RNF144A: variants seen among roughly 807,000 people sequenced by gnomAD.
RNF144A encodes the protein ring finger protein 144A.
RNF144A carries 11 observed loss-of-function variants against 38.7 expected under a neutral mutation model. The ratio of observed to expected loss-of-function variants is 0.28; its 90% CI spans 0.18 to 0.47. The LOEUF (loss-of-function observed/expected upper bound fraction) is 0.47. RNF144A is among the 20% of genes least tolerant of loss of function. RNF144A has a pLI of 0.99. For synonymous variants in RNF144A, 149 were observed against 143.9 expected, an observed-to-expected ratio of 1.04 and a Z score of -0.25; for missense variants, 316 against 377.2, an observed-to-expected ratio of 0.84 and a Z score of 1.34.
chr2:7,067,768 C>T lies in RNF144A; in HGVS notation c.735-448C>T, dbSNP rs375560421. On this transcript the variant is annotated intron_variant, in intron 6 of 6. Coordinates refer to the RNF144A transcript ENST00000432850. ...CTGTAGCCAGTCACCTGAAGCTTCT[C>T]CTATGTCTACCTGTGTACTTCCTTG... 2.0e-5 allele frequency among the ~76,000 whole-genome samples: 3 copies of T among 152,306 alleles called. No individual in the cohort carries two copies. In the East Asian group the frequency reaches 5.8e-4, roughly 29 times the overall value.
At chr2:7,046,398 A>C (rs920124182), downstream of RNF144A, among the ~76,000 whole-genome samples, 1 of 152,236 alleles carries the variant, frequency 6.6e-6, no homozygotes, top group Non-Finnish European at 1.5e-5. Context: ...TAGCCAGGGA[A>C]GGCTGGAGCC....
At chr2:7,069,688 T>C (rs1305338038), downstream of RNF144A, among the ~76,000 whole-genome samples, 1 of 152,152 alleles carries the variant, frequency 6.6e-6, no homozygotes, top group Non-Finnish European at 1.5e-5. Flanking sequence ...TTTTATTCCC[T>C]CCCAAATTTT....
chr2:6,929,325 A>G (rs1483103669), intron 1 of RNF144A, among the ~76,000 whole-genome samples: 3 of 152,148 alleles, frequency 2.0e-5, no homozygotes, highest in African/African-American at 7.2e-5. Context: ...GCTCTCCTTG[A>G]CAGTGGAGTT....
downstream of RNF144A, among the ~76,000 whole-genome samples, chr2:7,048,791 T>A (rs1325074787): frequency 6.6e-6 from 1 of 152,142 alleles, no homozygotes; most frequent in African/African-American, 2.4e-5. Context: ...ACTGCAGAGG[T>A]AAGTGCTGGT....
At chr2:6,951,543 G>A (rs552442224) in intron 2 of RNF144A, among the ~76,000 whole-genome samples, 17 of 152,256 alleles carry the variant, frequency 1.1e-4, no homozygotes, top group Middle Eastern at 3.4e-3. Flanking sequence ...AACTCTGTAG[G>A]TCAATTTAGA....
At chr2:7,006,101 C>T (rs1366874694) in intron 3 of RNF144A, among the ~76,000 whole-genome samples, 1 of 151,756 alleles carries the variant, frequency 6.6e-6, no homozygotes, top group Non-Finnish European at 1.5e-5. Flanking sequence ...CAGTCTAAAG[C>T]CCGGATCCCA....
intron 1 of RNF144A, among the ~76,000 whole-genome samples, chr2:6,935,649 C>T (rs1194777220): frequency 5.8e-5 from 5 of 86,532 alleles, no homozygotes; most frequent in African/African-American, 1.5e-4. Flanking sequence ...GATGGCCTCT[C>T]ACCTTGTGAG....
At chr2:7,028,416 C>T (rs565226844) in intron 7 of RNF144A, among the ~76,000 whole-genome samples, 24 of 152,262 alleles carry the variant, frequency 1.6e-4, no homozygotes, top group African/African-American at 5.5e-4. Flanking sequence ...GAGGACTGGG[C>T]CCTGCCTCAG....
intron 1 of RNF144A, among the ~76,000 whole-genome samples, chr2:6,922,711 G>A (rs1259739734): frequency 6.7e-6 from 1 of 149,874 alleles, no homozygotes; most frequent in Non-Finnish European, 1.5e-5. Context: ...TGCAAGCTCC[G>A]CCTCCTGGGT....
downstream of RNF144A, among the ~76,000 whole-genome samples, chr2:7,045,717 AG>A (rs1673281444): frequency 6.6e-6 from 1 of 152,154 alleles, no homozygotes; most frequent in Non-Finnish European, 1.5e-5. Flanking sequence ...TCACCTCCAT[AG>A]GAGGGAGCAC....
chr2:7,058,520 T>C (rs1321430828), intron 6 of RNF144A, among the ~76,000 whole-genome samples: 1 of 152,190 alleles, frequency 6.6e-6, no homozygotes, highest in Non-Finnish European at 1.5e-5. Flanking sequence ...CTAGTCCTTA[T>C]ATTCTAAGGC....
intron 2 of RNF144A, among the ~76,000 whole-genome samples, chr2:6,957,572 A>G (rs1667088517): frequency 6.6e-6 from 1 of 152,032 alleles, no homozygotes; most frequent in Admixed American, 6.5e-5. Flanking sequence ...TTGGCAGGGA[A>G]TGGGTACCCC....
At chr2:7,075,287 C>CA in the RNF144A span, among the ~76,000 whole-genome samples, 2 of 151,666 alleles carry the variant, frequency 1.3e-5, no homozygotes, top group East Asian at 2.0e-4. Context: ...AACATCCCCC[C>CA]CCCCACACAG....
At chr2:6,922,937 T>C (rs1029069535) in intron 1 of RNF144A, among the ~76,000 whole-genome samples, 2 of 152,172 alleles carry the variant, frequency 1.3e-5, no homozygotes, top group Non-Finnish European at 2.9e-5. Flanking sequence ...TGCTTTTTCA[T>C]AGTGTGTCTC....
At chr2:6,992,263 C>T (rs73914454) in intron 2 of RNF144A, among the ~76,000 whole-genome samples, 322 of 152,332 alleles carry the variant, frequency 2.1e-3, no homozygotes, top group African/African-American at 7.4e-3. Context: ...GCCGCCCCAC[C>T]CACCTCCCCA....
At chr2:7,005,993 C>A (rs997722931) in intron 3 of RNF144A, among the ~76,000 whole-genome samples, 1 of 150,790 alleles carries the variant, frequency 6.6e-6, no homozygotes, top group Non-Finnish European at 1.5e-5. Flanking sequence ...CTAATTTACA[C>A]ACACATTCAA....
chr2:7,027,680 A>G (rs1205062360), intron 7 of RNF144A, among the ~76,000 whole-genome samples: 3 of 152,298 alleles, frequency 2.0e-5, no homozygotes, highest in South Asian at 4.1e-4. Flanking sequence ...AGCTTGCACC[A>G]TTGTTTCATC....
At chr2:6,920,836 G>A (rs1485385980) in intron 1 of RNF144A, among the ~76,000 whole-genome samples, 1 of 152,202 alleles carries the variant, frequency 6.6e-6, no homozygotes, top group African/African-American at 2.4e-5. Flanking sequence ...TCACATACCT[G>A]CTGGGTAGTG....
intron 8 of RNF144A, among the ~76,000 whole-genome samples, chr2:7,032,996 G>C (rs1449844666): frequency 6.6e-6 from 1 of 152,268 alleles, no homozygotes; most frequent in African/African-American, 2.4e-5. Flanking sequence ...CGTGTGAGTG[G>C]ATGCTGTTGT....
Sources: allele counts gnomAD v4.1 joint callset (sites outside exome capture counted in the v4.1 genomes callset), GRCh38; gene constraint gnomAD v4.1.1; transcripts MANE v1.5; gene names NCBI Gene and HGNC (gene_info 2026-07-23, HGNC 2026-07-21).